The following PKHD1 variants were observed in gnomAD, a reference collection of about 807,000 sequenced individuals.
PKHD1 encodes PKHD1 ciliary IPT domain containing fibrocystin/polyductin.
Under a neutral mutation model 412.0 loss-of-function variants are expected in PKHD1, and 291 were observed. That is an observed-to-expected ratio of 0.71 (90% CI 0.64 to 0.78). PKHD1 has a LOEUF of 0.78. Among genes scored for constraint, PKHD1 ranks in the 30% least tolerant of loss-of-function variants. The probability of loss-of-function intolerance (pLI) is 0.00; values close to 1 mark genes in which losing one functional copy is unlikely to be tolerated. For synonymous variants in PKHD1, 1,777 were observed against 1,821.5 expected, an observed-to-expected ratio of 0.98 and a Z score of 0.62; for missense variants, 4,825 against 4,950.7, an observed-to-expected ratio of 0.97 and a Z score of 0.76.
chr6:52,066,438 G>A (rs1383083620), intron 11 of PKHD1, among the ~76,000 whole-genome samples: 1 of 152,130 alleles, frequency 6.6e-6, no homozygotes, highest in Non-Finnish European at 1.5e-5. Flanking sequence ...TCAACTTTGG[G>A]TACACTGGGA....
intron 59 of PKHD1, among the ~76,000 whole-genome samples, chr6:51,746,112 A>G (rs1475343529): frequency 6.6e-6 from 1 of 152,100 alleles, no homozygotes; most frequent in Non-Finnish European, 1.5e-5. Context: ...AAAAAATCCT[A>G]TCTAATTTTC....
chr6:52,070,733 A>T (rs1387288207), intron 9 of PKHD1, among the ~76,000 whole-genome samples: 1 of 152,204 alleles, frequency 6.6e-6, no homozygotes, highest in Admixed American at 6.5e-5. Flanking sequence ...TAGATGGAGC[A>T]CCATTTAAAT....
chr6:52,041,197 C>T (rs1804820054), intron 27 of PKHD1, among the ~76,000 whole-genome samples: 1 of 152,172 alleles, frequency 6.6e-6, no homozygotes, highest in African/African-American at 2.4e-5. Flanking sequence ...TTATTGTATC[C>T]ATTCATTACA....
intron 60 of PKHD1, among the ~76,000 whole-genome samples, chr6:51,734,578 G>A (rs562973368): frequency 1.8e-4 from 28 of 152,236 alleles, no homozygotes; most frequent in African/African-American, 6.5e-4. Context: ...ACCCACGAGA[G>A]GGGCTGTAAT....
At chr6:51,896,345 G>T (rs1176422260) in intron 43 of PKHD1, among the ~76,000 whole-genome samples, 1 of 152,028 alleles carries the variant, frequency 6.6e-6, no homozygotes, top group African/African-American at 2.4e-5. Context: ...TCCTCAAGTG[G>T]GTCCCTGACC....
chr6:51,767,621 C>T (rs1423235130), intron 55 of PKHD1, among the ~76,000 whole-genome samples: 2 of 152,110 alleles, frequency 1.3e-5, no homozygotes, highest in Non-Finnish European at 2.9e-5. Flanking sequence ...CCAGTTTCAT[C>T]CATGTCCCTA....
At chr6:51,925,269 C>G (rs1252216662) in intron 37 of PKHD1, among the ~76,000 whole-genome samples, 1 of 152,148 alleles carries the variant, frequency 6.6e-6, no homozygotes, top group Non-Finnish European at 1.5e-5. Context: ...AGTTACTTTC[C>G]TTTGAGAAGC....
At chr6:52,041,361 G>A (rs1336561004) in intron 27 of PKHD1, among the ~76,000 whole-genome samples, 6 of 152,162 alleles carry the variant, frequency 3.9e-5, no homozygotes, top group Non-Finnish European at 8.8e-5. Context: ...GGTGGAGCCT[G>A]AGACTCTGCA....
At chr6:51,728,088 A>G (rs1782800348) in intron 60 of PKHD1, among the ~76,000 whole-genome samples, 2 of 152,146 alleles carry the variant, frequency 1.3e-5, no homozygotes, top group African/African-American at 4.8e-5. Context: ...TCAAGCACGC[A>G]CCATGCTTTC....
At chr6:52,014,827 C>T (rs1047539465) in intron 34 of PKHD1, among the ~76,000 whole-genome samples, 13 of 110,310 alleles carry the variant, frequency 1.2e-4, no homozygotes, top group South Asian at 6.2e-4. Flanking sequence ...GATGGATGGA[C>T]GGACGAATAG....
At chr6:51,751,241 CT>C (rs1261793462) in intron 57 of PKHD1, among the ~76,000 whole-genome samples, 3 of 152,118 alleles carry the variant, frequency 2.0e-5, no homozygotes, top group Admixed American at 6.6e-5. Flanking sequence ...AAGTCTTGGC[CT>C]GCTTTTCTGG....
chr6:51,955,452 A>G (rs2127917436), intron 36 of PKHD1, among the ~76,000 whole-genome samples: 1 of 152,140 alleles, frequency 6.6e-6, no homozygotes, highest in South Asian at 2.1e-4. Flanking sequence ...TCTACTATAT[A>G]AGTAATATGT....
At chr6:51,848,629 G>T (rs148864928) in intron 49 of PKHD1, among the ~76,000 whole-genome samples, 139 of 152,084 alleles carry the variant, frequency 9.1e-4, no homozygotes, top group Non-Finnish European at 1.7e-3. Flanking sequence ...AAATTCTCCA[G>T]AGTGCTCTCA....
intron 60 of PKHD1, among the ~76,000 whole-genome samples, chr6:51,697,049 C>T (rs1394707883): frequency 6.6e-6 from 1 of 151,998 alleles, no homozygotes; most frequent in East Asian, 1.9e-4. Flanking sequence ...ATTACCCAGG[C>T]ATGGTGACAC....
At chr6:52,036,201 A>C (rs1803924284) in intron 27 of PKHD1, among the ~76,000 whole-genome samples, 1 of 152,108 alleles carries the variant, frequency 6.6e-6, no homozygotes. Context: ...AAGGGTCAAC[A>C]TTTTCCTCAT....
At chr6:51,632,853 A>G in intron 64 of PKHD1, 130 bp from the exon 65 acceptor site, 1 of 554,856 alleles carries the variant, frequency 1.8e-6, no homozygotes, top group Non-Finnish European at 3.1e-6. Flanking sequence ...TATTCATTAA[A>G]TTTAATAAAT....
intron 41 of PKHD1, among the ~76,000 whole-genome samples, chr6:51,905,695 G>A (rs1300788203): frequency 2.0e-5 from 3 of 152,154 alleles, no homozygotes; most frequent in Non-Finnish European, 4.4e-5. Flanking sequence ...TCAAAGGAGA[G>A]AAGTGATATG....
intron 5 of PKHD1, among the ~76,000 whole-genome samples, chr6:52,079,108 C>T (rs925459604): frequency 3.3e-5 from 5 of 152,174 alleles, no homozygotes; most frequent in African/African-American, 7.2e-5. Context: ...GCAACCACAT[C>T]GACAGGAGTA....
At chr6:51,624,498 A>T (rs1767002125) in intron 66 of PKHD1, among the ~76,000 whole-genome samples, 1 of 152,086 alleles carries the variant, frequency 6.6e-6, no homozygotes, top group Admixed American at 6.5e-5. Flanking sequence ...CCAGCAGAAA[A>T]CTGTTAGGAC....
Sources: gnomAD v4.1 joint callset for allele counts (sites outside exome capture counted in the v4.1 genomes callset) on GRCh38, gnomAD v4.1.1 for gene constraint, MANE v1.5 for transcripts, NCBI Gene and HGNC (gene_info 2026-07-23, HGNC 2026-07-21) for gene names.